The following ITPR2 variants were observed in gnomAD, a reference collection of about 807,000 sequenced individuals.
The protein encoded by ITPR2 is inositol 1,4,5-trisphosphate receptor type 2.
Under a neutral mutation model 317.1 loss-of-function variants are expected in ITPR2, and 207 were observed. The ratio of observed to expected loss-of-function variants is 0.65; its 90% CI spans 0.58 to 0.73. ITPR2 has a LOEUF of 0.73. Among genes scored for constraint, ITPR2 ranks in the 30% least tolerant of loss-of-function variants. The pLI is 0.00. For missense variants in ITPR2, 2,613 were observed against 3,284.0 expected (o/e 0.80, Z 4.99); for synonymous variants, 1,156 against 1,149.1 (o/e 1.01, Z -0.12).
intron 54 of ITPR2, among the ~76,000 whole-genome samples, chr12:26,391,357 G>T (rs895115556): frequency 3.9e-5 from 6 of 152,026 alleles, no homozygotes; most frequent in Non-Finnish European, 7.4e-5. Flanking sequence ...CATCTGGGCA[G>T]GAAAAATGGC....
At chr12:26,409,063 G>T (rs1940453754) in intron 52 of ITPR2, among the ~76,000 whole-genome samples, 1 of 152,066 alleles carries the variant, frequency 6.6e-6, no homozygotes, top group Non-Finnish European at 1.5e-5. Context: ...TTTAAAAAGT[G>T]ATTTTTTAAA....
intron 51 of ITPR2, among the ~76,000 whole-genome samples, chr12:26,411,716 A>C (rs1228911533): frequency 6.6e-6 from 1 of 152,174 alleles, no homozygotes; most frequent in African/African-American, 2.4e-5. Flanking sequence ...TCCATGGGCA[A>C]ACTCATTCAG....
At chr12:26,701,266 T>C (rs1475784034) in intron 9 of ITPR2, among the ~76,000 whole-genome samples, 2 of 152,250 alleles carry the variant, frequency 1.3e-5, no homozygotes, top group Non-Finnish European at 2.9e-5. Flanking sequence ...CGTAAGTTTT[T>C]AAGTCCATAA....
chr12:26,511,116 T>C (rs187581604), intron 37 of ITPR2, among the ~76,000 whole-genome samples: 4 of 152,366 alleles, frequency 2.6e-5, no homozygotes, highest in African/African-American at 9.6e-5. Flanking sequence ...CTGTAACCAA[T>C]CGTTTCCCTG....
At chr12:26,366,131 G>T (rs929786494) in intron 55 of ITPR2, among the ~76,000 whole-genome samples, 2 of 152,030 alleles carry the variant, frequency 1.3e-5, no homozygotes, top group Non-Finnish European at 2.9e-5. Context: ...TGCTTTCCTT[G>T]TTCTCTTTGC....
At chr12:26,605,120 A>AAAATATATATATAT (rs1465336732) in intron 26 of ITPR2, among the ~76,000 whole-genome samples, 1 of 104,252 alleles carries the variant, frequency 9.6e-6, no homozygotes, top group African/African-American at 3.9e-5. Context: ...AAAAATAAAA[A>AAAATATATATATAT]ATAAAAATAT....
rs143532081 is a variant in ITPR2 at position 26,553,738 on chromosome 12, T to C, written c.4964+2495A>G. On this transcript the variant is annotated intron_variant, in intron 36 of 56. Coordinates refer to ENST00000381340, the MANE Select transcript of ITPR2 (RefSeq NM_002223.4). The stretch of plus-strand genomic sequence containing the variant: ...AGGCAGAGCTTGCAGTGAGCCAAGA[T>C]TGCGCCACTGCACTCCAGCCTGGGT... 9.8e-4 allele frequency among the ~76,000 whole-genome samples: 148 copies of C among 151,248 alleles called. 1 individual carries two copies. The highest frequency in any genetic ancestry group is 3.4e-3 in the African/African-American group (139 of 41,108).
intron 37 of ITPR2, among the ~76,000 whole-genome samples, chr12:26,542,269 A>T (rs1472652225): frequency 6.6e-6 from 1 of 152,224 alleles, no homozygotes; most frequent in African/African-American, 2.4e-5. Context: ...GGCAAATTTT[A>T]TCAAGAATAA....
chr12:26,494,604 T>C (rs1005619790), intron 38 of ITPR2, among the ~76,000 whole-genome samples: 7 of 151,654 alleles, frequency 4.6e-5, no homozygotes, highest in Non-Finnish European at 7.4e-5. Flanking sequence ...ACCCCAATTC[T>C]ACTAAAAATA....
At chr12:26,551,153 A>G (rs752405747) in intron 36 of ITPR2, among the ~76,000 whole-genome samples, 15 of 152,178 alleles carry the variant, frequency 9.9e-5, no homozygotes, top group Non-Finnish European at 1.9e-4. Context: ...ACCCTGTAAG[A>G]TGTCTTCCTT....
chr12:26,669,579 G>A (rs895930785), intron 13 of ITPR2, among the ~76,000 whole-genome samples: 6 of 152,212 alleles, frequency 3.9e-5, no homozygotes, highest in Admixed American at 6.5e-5. Flanking sequence ...CAAGATGGCC[G>A]AATAGGAACA....
In ITPR2 at chr12:26,682,660, G is replaced by A. The variant is rs1250780652; in HGVS notation, c.1162C>T (p.Arg388Trp). 4.4e-6 allele frequency: 7 copies of A among 1,608,924 alleles called. No individual in the cohort carries two copies. Among genetic ancestry groups the A allele is most frequent in the East Asian group, 2.2e-5 (1 of 44,800 alleles). Residue 388 changes from arginine to tryptophan, a missense_variant, in exon 12 of 57, where the codon CGG becomes TGG. Arg to Trp is a moderately radical substitution (Grantham distance 101, BLOSUM62 -3). This residue lies in a region of ITPR2 where 515 missense variants were observed against 789.4 expected (regional missense o/e 0.65). Transcript: ENST00000381340. ...GTGTTGGTGCATAAATGCCTTAACC[G>A]AACATATGAGTTCCTAAAAGCAAAA... ...DCLVPRNSYV[R>W]LRHLCTNTWV...
At chr12:26,672,828 G>A (rs936051131) in intron 13 of ITPR2, among the ~76,000 whole-genome samples, 1 of 151,942 alleles carries the variant, frequency 6.6e-6, no homozygotes, top group South Asian at 2.1e-4. Context: ...AAAAAAGAGA[G>A]AAGAATCAAA....
At chr12:26,720,639 G>A (rs1386215368) in intron 5 of ITPR2, among the ~76,000 whole-genome samples, 2 of 152,192 alleles carry the variant, frequency 1.3e-5, no homozygotes, top group African/African-American at 4.8e-5. Flanking sequence ...GCAAAAAGCA[G>A]TGTGGAAAGT....
At chr12:26,379,477 C>CA (rs1192704794) in intron 55 of ITPR2, among the ~76,000 whole-genome samples, 1 of 151,934 alleles carries the variant, frequency 6.6e-6, no homozygotes, top group Non-Finnish European at 1.5e-5. Flanking sequence ...AGCAGCTCTG[C>CA]AAAAAAAGTG....
intron 37 of ITPR2, among the ~76,000 whole-genome samples, chr12:26,531,087 AATAAG>A (rs1386413474): frequency 6.6e-6 from 1 of 152,212 alleles, no homozygotes. Context: ...TACCCTTAAG[AATAAG>A]ATAAAAGATA....
At chr12:26,741,930 A>C (rs1401049338) in intron 2 of ITPR2, among the ~76,000 whole-genome samples, 1 of 152,146 alleles carries the variant, frequency 6.6e-6, no homozygotes, top group Non-Finnish European at 1.5e-5. Context: ...TGGGAAGGAG[A>C]GGGTTCCTAA....
rs146190490 is a variant in ITPR2, at chr12:26,757,344, T to C, written c.164-31579A>G. 4.0e-5 allele frequency among the ~76,000 whole-genome samples: 6 copies of C among 151,820 alleles called. No individual in the cohort carries two copies. The East Asian group carries it at 1.2e-3, about 29-fold the overall frequency. ...GATTCTCCTGCCTCAGCCTCCCGAG[T>C]AGCTGGGATTATAGGTGCCCACCAC... On this transcript the variant is annotated intron_variant, in intron 2 of 56. Coordinates refer to ENST00000381340, the MANE Select transcript of ITPR2 (RefSeq NM_002223.4).
chr12:26,423,945 A>G (rs1165631404), intron 49 of ITPR2, among the ~76,000 whole-genome samples: 1 of 152,232 alleles, frequency 6.6e-6, no homozygotes, highest in Non-Finnish European at 1.5e-5. Context: ...CATAGTAAAC[A>G]GAAACCAGTA....
Sources: gnomAD v4.1 joint callset for allele counts (sites outside exome capture counted in the v4.1 genomes callset) on GRCh38, gnomAD v4.1.1 for gene constraint, gnomAD v4.1.1 regional missense constraint, MANE v1.5 for transcripts, NCBI Gene and HGNC (gene_info 2026-07-23, HGNC 2026-07-21) for gene names.